TRRAP: variants seen among roughly 807,000 people sequenced by gnomAD.
TRRAP encodes the protein transformation/transcription domain-associated protein.
TRRAP carries 41 observed loss-of-function variants against 438.8 expected under a neutral mutation model. The ratio of observed to expected loss-of-function variants is 0.09; its 90% CI spans 0.07 to 0.12. TRRAP has a LOEUF of 0.12. TRRAP is among the 10% of genes least tolerant of loss of function. The pLI is 1.00. For synonymous variants in TRRAP, 1,994 were observed against 1,962.9 expected (o/e 1.02, Z -0.42); for missense variants, 3,122 against 5,055.1 (o/e 0.62, Z 11.60).
In TRRAP at chr7:98,942,996, G is replaced by T; in HGVS notation, c.4452G>T (p.Gly1484=). 6.2e-7 allele frequency: 1 copy of T among 1,614,150 alleles called. No individual in the cohort carries two copies. The change falls in exon 31 of 73, where the codon GGG becomes GGT. Residue 1484 remains glycine (G), a synonymous_variant. Coordinates refer to ENST00000456197, the MANE Select transcript of TRRAP (RefSeq NM_001375524.1). ...AAGTGGTGGTGATCACCCACAAAGG[G>T]GGCCAGAGGAGCGACGGAAACGTGA... ...WMEVVVITHK[G]GQRSDGNESI...
chr7:98,895,383 G>A (rs1322742517), intron 6 of TRRAP, among the ~76,000 whole-genome samples: 2 of 152,208 alleles, frequency 1.3e-5, no homozygotes, highest in African/African-American at 4.8e-5. Flanking sequence ...GCATTGAAGT[G>A]TTAATGCTCC....
rs201623462 is a variant in TRRAP, at chr7:98,956,248, G to C, written c.6040G>C (p.Val2014Leu). The change falls in exon 42 of 73, where the codon GTG becomes CTG. Residue 2014 changes from valine (V) to leucine (L), a missense_variant. Physicochemically the swap from Val to Leu is conservative, Grantham distance 32 (BLOSUM62 1). Transcript: ENST00000456197. This position sits in a 1 kb window ranked among gnomAD's most constrained non-coding sequence, Gnocchi z 4.5. ...CACCATCGAGCAGAGGCGGCTGGCC[G>C]TGGACCTGTCTGAAGTCGTCATCAA... ...SVTIEQRRLA[V>L]DLSEVVIKWE... 1 of 1,614,186 alleles carries C rather than the reference G, an allele frequency of 6.2e-7. No individual in the cohort carries two copies. The highest frequency in any genetic ancestry group is 8.5e-7 in the Non-Finnish European group (1 of 1,180,046).
intron 38 of TRRAP, 35 bp from the exon 39 acceptor site, chr7:98,950,841 G>C (rs1554418091): frequency 1.3e-6 from 2 of 1,495,850 alleles, no homozygotes; most frequent in African/African-American, 1.4e-5. Flanking sequence ...GCATGGCTTT[G>C]TTTTTCTCCT....
chr7:98,932,634 G>A (rs1790374465), intron 26 of TRRAP, among the ~76,000 whole-genome samples: 1 of 151,958 alleles, frequency 6.6e-6, no homozygotes, highest in Non-Finnish European at 1.5e-5. Flanking sequence ...GTGAGCCACC[G>A]TGCCTATCCT....
intron 6 of TRRAP, 76 bp downstream of exon 6, chr7:98,893,957 A>G: frequency 7.0e-7 from 1 of 1,421,076 alleles, no homozygotes; most frequent in Non-Finnish European, 9.8e-7. Flanking sequence ...TTGCTGTCTC[A>G]AAGTTGGCTG....
At chr7:98,935,795 T>A in intron 28 of TRRAP, 120 bp downstream of exon 28, 2 of 646,974 alleles carry the variant, frequency 3.1e-6, no homozygotes, top group Non-Finnish European at 4.9e-6. Context: ...GTAGTCTTTT[T>A]AAGATGGGAT....
chr7:98,996,923 C>G (rs558867765), intron 67 of TRRAP, among the ~76,000 whole-genome samples: 2 of 152,072 alleles, frequency 1.3e-5, no homozygotes, highest in East Asian at 3.9e-4. Flanking sequence ...CTTTGACAAT[C>G]CAGAAACATA....
Position 98,948,789 on chromosome 7 carries a change from CT to C in TRRAP, c.4788+112del. 16 of 1,547,114 alleles carry C rather than the reference CT, an allele frequency of 1.0e-5. No individual in the cohort carries two copies. Among genetic ancestry groups the C allele is most frequent in the South Asian group, 2.4e-5 (2 of 83,512 alleles). ...ATTTCACTATTCAGTGTCCTGGCTG[CT>C]TTTTTTTCAGATCCATTTGAATATT... is the stretch of plus-strand genomic sequence containing the variant. On this transcript the variant is annotated intron_variant, in intron 35 of 72. Coordinates refer to ENST00000456197, the MANE Select transcript of TRRAP (RefSeq NM_001375524.1). This position sits in a 1 kb window ranked among gnomAD's most constrained non-coding sequence, Gnocchi z 4.9.
In TRRAP at chr7:98,965,906, A is replaced by G; in HGVS notation, c.7176+11A>G. ...ATGGCAGCCAATCAGGTGAGCTGGG[A>G]CGGTGTGCCATGTGATCTCCCTTTC... On this transcript the variant is annotated intron_variant, in intron 49 of 72. Transcript: ENST00000456197. 1 of 1,613,998 alleles carries G rather than the reference A, an allele frequency of 6.2e-7. No individual in the cohort carries two copies. Among genetic ancestry groups the G allele is most frequent in the Non-Finnish European group, 8.5e-7 (1 of 1,179,916 alleles).
In TRRAP at chr7:98,948,389, T is replaced by G. The variant is rs782501181; in HGVS notation, c.4668+49T>G. 16 of 1,613,098 alleles carry G rather than the reference T, an allele frequency of 9.9e-6. No homozygotes were observed. In the South Asian group the frequency reaches 1.5e-4, roughly 15 times the overall value. ...TTCTCGCTCTGCCACCCTCCGGTGCTTATAGCGTCCTCACTTGATCGTATT... is the reference window on the plus strand; with the variant it reads ...TTCTCGCTCTGCCACCCTCCGGTGCGTATAGCGTCCTCACTTGATCGTATT... On this transcript the variant is annotated intron_variant, in intron 34 of 72. Transcript: ENST00000456197. This position sits in a 1 kb window ranked among gnomAD's most constrained non-coding sequence, Gnocchi z 4.9.
At chr7:98,982,558 T>C (rs1350881486) in intron 59 of TRRAP, among the ~76,000 whole-genome samples, 16 of 152,208 alleles carry the variant, frequency 1.1e-4, no homozygotes, top group Non-Finnish European at 2.2e-4. Flanking sequence ...AGAGCCATGC[T>C]CATCAGACAG....
At chr7:98,927,825 C>T (rs576700864) in intron 23 of TRRAP, among the ~76,000 whole-genome samples, 2 of 152,264 alleles carry the variant, frequency 1.3e-5, no homozygotes, top group African/African-American at 4.8e-5. Context: ...TCTGCTGTTC[C>T]TCCTGCCTGG....
rs1792215338 is a variant in TRRAP at position 98,967,643 on chromosome 7, G to A, written c.7457G>A (p.Cys2486Tyr). 1.9e-6 allele frequency: 3 copies of A among 1,614,056 alleles called. No individual in the cohort carries two copies. The highest frequency in any genetic ancestry group is 2.5e-6 in the Non-Finnish European group (3 of 1,180,030). The change falls in exon 51 of 73, where the codon TGT (cysteine) becomes TAT (tyrosine). Residue 2486 changes from cysteine to tyrosine, a missense_variant. Physicochemically the swap from Cys to Tyr is radical, Grantham distance 194 (BLOSUM62 -2). Coordinates refer to ENST00000456197, the MANE Select transcript of TRRAP (RefSeq NM_001375524.1). ...TACGAGCGCTTGCTCTATGTGACCTGTTCGCAGAACTGGGAAGCCATGGGG... is the reference window on the plus strand; with the variant it reads ...TACGAGCGCTTGCTCTATGTGACCTATTCGCAGAACTGGGAAGCCATGGGG... ...RVYERLLYVT[C>Y]SQNWEAMGNH... is the part of the protein sequence containing the mutation.
At chr7:98,978,107 C>A in intron 56 of TRRAP, 104 bp from the exon 57 acceptor site, 1 of 1,051,794 alleles carries the variant, frequency 9.5e-7, no homozygotes, top group Non-Finnish European at 1.4e-6. Context: ...GGCAACATAG[C>A]AAAACCTCAT....
intron 26 of TRRAP, among the ~76,000 whole-genome samples, chr7:98,932,673 T>C (rs1452222472): frequency 6.6e-6 from 1 of 152,242 alleles, no homozygotes; most frequent in African/African-American, 2.4e-5. Flanking sequence ...TGAAAATTTG[T>C]ATAATCTCCC....
intron 4 of TRRAP, among the ~76,000 whole-genome samples, chr7:98,891,216 T>A (rs1446315190): frequency 7.0e-6 from 1 of 142,578 alleles, no homozygotes. Flanking sequence ...TTTTTTTTTT[T>A]TTTTTTTTTT....
At chr7:98,998,456 T>C (rs1276737361) in intron 67 of TRRAP, 1 of 159,206 alleles carries the variant, frequency 6.3e-6, no homozygotes, top group African/African-American at 2.4e-5. Context: ...ACTGTAAATA[T>C]CCTGTGAGGT....
At chr7:99,007,343 G>T (rs1311486698) in intron 69 of TRRAP, among the ~76,000 whole-genome samples, 2 of 151,628 alleles carry the variant, frequency 1.3e-5, no homozygotes, top group African/African-American at 4.8e-5. Flanking sequence ...GGCAGAGTCT[G>T]TTTTTTTTTA....
At chr7:99,002,613 A>G (rs1488973759) in intron 67 of TRRAP, among the ~76,000 whole-genome samples, 1 of 152,148 alleles carries the variant, frequency 6.6e-6, no homozygotes, top group Non-Finnish European at 1.5e-5. Context: ...ACCTTGGTGC[A>G]CAGCAGCCTG....
Sources: allele counts gnomAD v4.1 joint callset (sites outside exome capture counted in the v4.1 genomes callset), GRCh38; gene constraint gnomAD v4.1.1; non-coding constraint Gnocchi (gnomAD v3.1); transcripts MANE v1.5; gene names NCBI Gene and HGNC (gene_info 2026-07-23, HGNC 2026-07-21).